ASTN2: variants seen among roughly 807,000 people sequenced by gnomAD.
ASTN2 encodes astrotactin 2.
ASTN2 carries 54 observed loss-of-function variants against 139.8 expected under a neutral mutation model. The observed-to-expected ratio is 0.39, with a 90% CI of 0.31 to 0.48. The LOEUF (loss-of-function observed/expected upper bound fraction) is 0.48. ASTN2 is among the 20% of genes least tolerant of loss of function. ASTN2 has a pLI of 0.95. For synonymous variants in ASTN2, 756 were observed against 719.5 expected, an observed-to-expected ratio of 1.05 and a Z score of -0.81; for missense variants, 1,565 against 1,725.1, an observed-to-expected ratio of 0.91 and a Z score of 1.64.
At chr9:116,582,804 C>T (rs7856625) in intron 19 of ASTN2, 105,320 of 152,172 alleles carry the variant, frequency 0.69, 37,145 homozygotes, top group African/African-American at 0.84. Context: ...ATTATGTTTA[C>T]GATCCTCAAA....
chr9:116,538,019 T>C (rs1175582002), intron 19 of ASTN2, among the ~76,000 whole-genome samples: 1 of 152,148 alleles, frequency 6.6e-6, no homozygotes, highest in Non-Finnish European at 1.5e-5. Flanking sequence ...TCAGTGTCCA[T>C]ATCAAAATTT....
intron 19 of ASTN2, chr9:116,540,812 A>C (rs1308082622): frequency 2.0e-5 from 3 of 152,222 alleles, no homozygotes; most frequent in African/African-American, 7.2e-5. Flanking sequence ...TCTAAAATGC[A>C]AGCACCCATT....
In ASTN2 at chr9:117,220,709, C is replaced by T. The variant is rs146694591; in HGVS notation, c.631-5967G>A. 3.6e-3 allele frequency among the ~76,000 whole-genome samples: 554 copies of T among 152,242 alleles called. 6 individuals carry two copies. The highest frequency in any genetic ancestry group is 0.013 in the African/African-American group (521 of 41,566). ...CTCAGAGCCTCCGGGAGGAGGCTTGCTGACATCATGATTTTGGACTTCTGG... is the reference window on the plus strand; with the variant it reads ...CTCAGAGCCTCCGGGAGGAGGCTTGTTGACATCATGATTTTGGACTTCTGG... On this transcript the variant is annotated intron_variant, in intron 2 of 22. Coordinates refer to ENST00000313400, the MANE Select transcript of ASTN2 (RefSeq NM_001365068.1).
intron 7 of ASTN2, among the ~76,000 whole-genome samples, chr9:116,988,821 T>G (rs1836757435): frequency 6.6e-6 from 1 of 152,132 alleles, no homozygotes; most frequent in Non-Finnish European, 1.5e-5. Flanking sequence ...TATGTGGTTG[T>G]CCACTTCATG....
intron 12 of ASTN2, among the ~76,000 whole-genome samples, chr9:116,813,628 AT>A (rs969603814): frequency 2.0e-5 from 3 of 152,156 alleles, no homozygotes; most frequent in African/African-American, 4.8e-5. Context: ...TTTCTCATGT[AT>A]TTTTTCCTTA....
chr9:116,458,447 C>T (rs1271453552), intron 20 of ASTN2, among the ~76,000 whole-genome samples: 2 of 151,612 alleles, frequency 1.3e-5, no homozygotes, highest in African/African-American at 2.4e-5. Context: ...TATTACACAT[C>T]GCATACTTGT....
chr9:117,391,161 A>C (rs1386948969), intron 1 of ASTN2, among the ~76,000 whole-genome samples: 5 of 152,150 alleles, frequency 3.3e-5, no homozygotes, highest in African/African-American at 9.7e-5. Flanking sequence ...AAGGATACGG[A>C]GGGCCAACTG....
chr9:116,970,056 C>G (rs1015861431), intron 10 of ASTN2, among the ~76,000 whole-genome samples: 15 of 152,190 alleles, frequency 9.9e-5, no homozygotes, highest in Non-Finnish European at 1.8e-4. Flanking sequence ...TGCCTCACTC[C>G]AGTCTCTAAT....
chr9:117,057,944 C>A (rs1839110068), intron 5 of ASTN2, among the ~76,000 whole-genome samples: 1 of 152,124 alleles, frequency 6.6e-6, no homozygotes, highest in Non-Finnish European at 1.5e-5. Flanking sequence ...GAGAGGCACT[C>A]CCTCCCACCT....
At position 117,235,512 on chromosome 9, in the gene ASTN2, G is replaced by A. The variant is rs79079168; in HGVS notation, c.631-20770C>T. Among the ~76,000 whole-genome samples the A allele has an allele frequency of 1.2e-3, 177 of 152,272 alleles. 6 individuals are homozygous for A. The East Asian group carries it at 0.033, about 29-fold the overall frequency. ...AATCATCCTGCTCTCCAGAAAAAAT[G>A]TCCTCTCATCTGAAAGTGTATTACT... On this transcript the variant is annotated intron_variant, in intron 2 of 22. Transcript: ENST00000313400.
chr9:116,459,204 T>A (rs1848414233), intron 20 of ASTN2, among the ~76,000 whole-genome samples: 1 of 152,020 alleles, frequency 6.6e-6, no homozygotes, highest in South Asian at 2.1e-4. Context: ...AACACTTGGG[T>A]AGCCTCGTCA....
intron 19 of ASTN2, among the ~76,000 whole-genome samples, chr9:116,574,496 C>A (rs1374906262): frequency 6.6e-6 from 1 of 152,182 alleles, no homozygotes; most frequent in Non-Finnish European, 1.5e-5. Context: ...GAGCTTATTG[C>A]AGCTATGCAA....
intron 10 of ASTN2, among the ~76,000 whole-genome samples, chr9:116,932,759 A>C (rs989736853): frequency 6.6e-6 from 1 of 152,048 alleles, no homozygotes; most frequent in Non-Finnish European, 1.5e-5. Flanking sequence ...TACTTCCAGC[A>C]CTTTGAGAGG....
chr9:117,111,000 C>A (rs1462049399), intron 4 of ASTN2, among the ~76,000 whole-genome samples: 1 of 152,154 alleles, frequency 6.6e-6, no homozygotes, highest in Non-Finnish European at 1.5e-5. Flanking sequence ...AAAGGCAGGC[C>A]CTGACAGGCT....
chr9:117,095,290 G>A (rs11791251), intron 5 of ASTN2, among the ~76,000 whole-genome samples: 26,826 of 152,128 alleles, frequency 0.18, 2,739 homozygotes, highest in African/African-American at 0.26. Context: ...ACATTCACAG[G>A]CAATTGCCTG....
chr9:116,618,677 G>A (rs544858914), intron 18 of ASTN2, among the ~76,000 whole-genome samples: 2 of 152,280 alleles, frequency 1.3e-5, no homozygotes, highest in South Asian at 4.1e-4. Flanking sequence ...GGGAGACAAG[G>A]AGCCACCTTT....
At chr9:117,007,417 G>C (rs1837389041) in intron 7 of ASTN2, among the ~76,000 whole-genome samples, 1 of 152,050 alleles carries the variant, frequency 6.6e-6, no homozygotes, top group Admixed American at 6.5e-5. Context: ...TGTGGCTATG[G>C]AACACTTGAA....
intron 22 of ASTN2, among the ~76,000 whole-genome samples, chr9:116,434,088 G>T (rs192377785): frequency 3.3e-5 from 5 of 151,940 alleles, no homozygotes; most frequent in African/African-American, 1.2e-4. Flanking sequence ...TTAGTTAGTT[G>T]GTATTAGTAT....
intron 2 of ASTN2, among the ~76,000 whole-genome samples, chr9:117,221,660 G>A (rs773160502): frequency 1.3e-5 from 2 of 152,138 alleles, no homozygotes; most frequent in Non-Finnish European, 2.9e-5. Context: ...GTCCCTGGCA[G>A]CCACGATGCC....
Sources: allele counts gnomAD v4.1 joint callset (sites outside exome capture counted in the v4.1 genomes callset), GRCh38; gene constraint gnomAD v4.1.1; transcripts MANE v1.5; gene names NCBI Gene and HGNC (gene_info 2026-07-23, HGNC 2026-07-21).